CCDC124: variants seen among roughly 807,000 people sequenced by gnomAD.
CCDC124 encodes coiled-coil domain-containing protein 124.
CCDC124 carries 9 observed loss-of-function variants against 19.8 expected under a neutral mutation model. That is an observed-to-expected ratio of 0.45 (90% confidence interval 0.27 to 0.79). The LOEUF is 0.79. CCDC124 is among the 30% of genes least tolerant of loss of function. The pLI is 0.14. For synonymous variants in CCDC124, 126 were observed against 131.3 expected, an observed-to-expected ratio of 0.96 and a Z score of 0.27; for missense variants, 285 against 319.0, an observed-to-expected ratio of 0.89 and a Z score of 0.81.
At chr19:17,943,399 T>A in intron 4 of CCDC124, 24 bp downstream of exon 4, 1 of 1,554,958 alleles carries the variant, frequency 6.4e-7, no homozygotes, top group Non-Finnish European at 8.7e-7. Context: ...GCCTGGGGCT[T>A]TCCCAGGGGT....
chr19:17,943,174 T>G, intron 3 of CCDC124, 87 bp from the exon 4 acceptor site: 1 of 1,129,944 alleles, frequency 8.8e-7, no homozygotes. Flanking sequence ...CGCCCCTAGC[T>G]TCTCTTGCCA....
rs758202188 is a variant in CCDC124 at position 17,943,529 on chromosome 19, C to T, written c.486C>T (p.Asp162=). Residue 162 remains aspartate (D), a synonymous_variant, in exon 5 of 5, where the codon GAC becomes GAT. Coordinates refer to ENST00000445755, the MANE Select transcript of CCDC124 (RefSeq NM_001136203.2). The stretch of plus-strand genomic sequence containing the variant: ...CCAGCGTGGCGGAGGAGGCGGCCGA[C>T]CGGCACCCAGAAAGACGCATGCGGG... The part of the protein sequence containing the change: ...AVLSVAEEAA[D]RHPERRMRAA... 6.8e-6 allele frequency: 11 copies of T among 1,611,856 alleles called. No individual in the cohort carries two copies. The highest frequency in any genetic ancestry group is 9.3e-6 in the Non-Finnish European group (11 of 1,179,772).
intron 1 of CCDC124, among the ~76,000 whole-genome samples, chr19:17,934,619 T>TAAAA (rs56743845): frequency 3.9e-4 from 48 of 123,924 alleles, no homozygotes; most frequent in Middle Eastern, 4.2e-3. Flanking sequence ...GACCCTGCCT[T>TAAAA]AAAAAAAAAA....
intron 2 of CCDC124, among the ~76,000 whole-genome samples, chr19:17,938,066 G>A (rs567568620): frequency 5.0e-4 from 76 of 152,284 alleles, no homozygotes; most frequent in African/African-American, 1.7e-3. Flanking sequence ...GTCGTTTGGC[G>A]TGGTAGCTCA....
intron 4 of CCDC124, 37 bp from the exon 5 acceptor site, chr19:17,943,471 G>A (rs2031237353): frequency 3.1e-6 from 5 of 1,597,874 alleles, no homozygotes; most frequent in Non-Finnish European, 4.3e-6. Context: ...GGGCAAGGCT[G>A]CGCCCAAGGC....
chr19:17,943,820 A>C lies in CCDC124; in HGVS notation c.*105A>C, dbSNP rs2031249112. ...AGGGTCACAGAGCGTTCCGGGGGCCAAGGCGCCGGGCCCCGGGGCCATGCT... is the reference window on the plus strand; with the variant it reads ...AGGGTCACAGAGCGTTCCGGGGGCCCAGGCGCCGGGCCCCGGGGCCATGCT... On this transcript the variant is annotated 3_prime_UTR_variant, in exon 5 of 5. Coordinates refer to ENST00000445755, the MANE Select transcript of CCDC124 (RefSeq NM_001136203.2). 3.4e-6 allele frequency: 4 copies of C among 1,169,586 alleles called. No individual in the cohort carries two copies. Among genetic ancestry groups the C allele is most frequent in the Non-Finnish European group, 4.9e-6 (4 of 818,832 alleles). 72.5% of individuals were successfully genotyped at this position (1,169,586 alleles called of 1,614,324 possible).
chr19:17,933,911 T>G (rs1005909990), intron 1 of CCDC124, among the ~76,000 whole-genome samples: 3 of 152,206 alleles, frequency 2.0e-5, no homozygotes, highest in Admixed American at 6.5e-5. Flanking sequence ...ACGTATTAGG[T>G]GCCCAGTACA....
At chr19:17,941,885 G>T (rs377759823) in intron 2 of CCDC124, among the ~76,000 whole-genome samples, 1 of 152,146 alleles carries the variant, frequency 6.6e-6, no homozygotes, top group East Asian at 1.9e-4. Context: ...GGCAGTGAGG[G>T]GGCAGGCAGG....
intron 4 of CCDC124, 28 bp from the exon 5 acceptor site, chr19:17,943,480 G>A (rs754935353): frequency 1.2e-6 from 2 of 1,602,564 alleles, no homozygotes; most frequent in Admixed American, 3.4e-5. Context: ...TGCGCCCAAG[G>A]CCCCCTGACG....
intron 2 of CCDC124, among the ~76,000 whole-genome samples, chr19:17,937,521 T>C (rs2031091514): frequency 6.6e-6 from 1 of 151,998 alleles, no homozygotes; most frequent in Non-Finnish European, 1.5e-5. Context: ...TGGAGATGTG[T>C]TTGGTTGTCA....
chr19:17,940,234 G>A (rs528634038), intron 2 of CCDC124, among the ~76,000 whole-genome samples: 2 of 152,190 alleles, frequency 1.3e-5, no homozygotes, highest in Admixed American at 6.6e-5. Flanking sequence ...TTGATTAAGG[G>A]ACAGCAAAGC....
chr19:17,943,164 C>G, intron 3 of CCDC124, 97 bp from the exon 4 acceptor site: 1 of 1,037,358 alleles, frequency 9.6e-7, no homozygotes, highest in Admixed American at 2.0e-5. Flanking sequence ...GCCTTCCTCC[C>G]GCCCCTAGCT....
At chr19:17,934,500 G>A (rs2031016529) in intron 1 of CCDC124, among the ~76,000 whole-genome samples, 1 of 151,620 alleles carries the variant, frequency 6.6e-6, no homozygotes, top group Non-Finnish European at 1.5e-5. Flanking sequence ...AAAAAGGAAC[G>A]AAGGGCCAGG....
At position 17,943,241 on chromosome 19, in the gene CCDC124, T is replaced by TCGGGGGGGGCCCCCCCCC; in HGVS notation, c.350-19_350-18insGGGGGGGGCCCCCCCCCC. 2.7e-6 allele frequency: 2 copies of TCGGGGGGGGCCCCCCCCC among 736,678 alleles called. No individual in the cohort carries two copies. Among genetic ancestry groups the TCGGGGGGGGCCCCCCCCC allele is most frequent in the Non-Finnish European group, 4.8e-6 (2 of 414,970 alleles). The allele number at this position is 736,678 out of a possible 1,614,324, so 45.6% of individuals were successfully genotyped here. On this transcript the variant is annotated intron_variant, in intron 3 of 4. Coordinates refer to ENST00000445755, the MANE Select transcript of CCDC124 (RefSeq NM_001136203.2). The stretch of plus-strand genomic sequence containing the variant: ...CTTTGCTTATCTCTCTCTGTCTCTG[T>TCGGGGGGGGCCCCCCCCC]CACCCACCCACCCGCCCAGCCGAGA...
chr19:17,937,162 T>C (rs2031084886), intron 2 of CCDC124, among the ~76,000 whole-genome samples: 1 of 151,726 alleles, frequency 6.6e-6, no homozygotes, highest in Non-Finnish European at 1.5e-5. Context: ...GCTCCTGTAA[T>C]CCCAGCTACT....
chr19:17,938,357 C>A (rs1226993936), intron 2 of CCDC124, among the ~76,000 whole-genome samples: 1 of 152,094 alleles, frequency 6.6e-6, no homozygotes, highest in African/African-American at 2.4e-5. Context: ...ATCAAAAAGC[C>A]CAGGGCCAAG....
chr19:17,943,881 C>T lies in CCDC124; in HGVS notation c.*166C>T. The T allele has an allele frequency of 1.5e-6, 1 of 664,956 alleles. No homozygotes were observed. The highest frequency in any genetic ancestry group is 2.7e-5 in the East Asian group (1 of 36,524). The allele number at this position is 664,956 out of a possible 1,614,324, so 41.2% of individuals were successfully genotyped here. ...GCCACCCGTCCTCCCGCCAGAGGGTCCCTGCCCCGAGTGACACCCCATCCC... is the reference window on the plus strand; with the variant it reads ...GCCACCCGTCCTCCCGCCAGAGGGTTCCTGCCCCGAGTGACACCCCATCCC... On this transcript the variant is annotated 3_prime_UTR_variant, in exon 5 of 5. Coordinates refer to ENST00000445755, the MANE Select transcript of CCDC124 (RefSeq NM_001136203.2).
At chr19:17,936,834 A>C in intron 2 of CCDC124, 1 of 381,030 alleles carries the variant, frequency 2.6e-6, no homozygotes, top group Non-Finnish European at 4.7e-6. Context: ...TACAAAAATT[A>C]ACTGCGTGGT....
chr19:17,936,032 C>A (rs2031054369), intron 1 of CCDC124, among the ~76,000 whole-genome samples: 1 of 152,166 alleles, frequency 6.6e-6, no homozygotes, highest in South Asian at 2.1e-4. Flanking sequence ...AGCCTCCTGA[C>A]TGGCTGGGAA....
Sources: gnomAD v4.1 joint callset for allele counts (sites outside exome capture counted in the v4.1 genomes callset) on GRCh38, gnomAD v4.1.1 for gene constraint, MANE v1.5 for transcripts, NCBI Gene and HGNC (gene_info 2026-07-23, HGNC 2026-07-21) for gene names.